GIT2: variants seen among roughly 807,000 people sequenced by gnomAD.
GIT2 encodes GIT ArfGAP 2.
Under a neutral mutation model 100.3 loss-of-function variants are expected in GIT2, and 32 were observed. The observed-to-expected ratio is 0.32, with a 90% CI of 0.24 to 0.43. The LOEUF (loss-of-function observed/expected upper bound fraction) is 0.43, where lower values mean the gene tolerates loss of function less well. Ranked by LOEUF, GIT2 falls within the 20% of genes least tolerant of loss-of-function variation. The probability of loss-of-function intolerance (pLI) is 1.00; values close to 1 mark genes in which losing one functional copy is unlikely to be tolerated. For missense variants in GIT2, 737 were observed against 975.1 expected (o/e 0.76, Z 3.25); for synonymous variants, 353 against 364.1 (o/e 0.97, Z 0.35).
intron 4 of GIT2, 53 bp from the exon 5 acceptor site, chr12:109,983,747 T>C: frequency 8.8e-7 from 1 of 1,130,404 alleles, no homozygotes; most frequent in Non-Finnish European, 1.3e-6. Context: ...TAAAGAATGA[T>C]GTCCTAGGGC....
chr12:109,966,861 T>C (rs1593061711), intron 8 of GIT2, among the ~76,000 whole-genome samples: 1 of 152,220 alleles, frequency 6.6e-6, no homozygotes, highest in East Asian at 1.9e-4. Flanking sequence ...ATTATGGCCT[T>C]CTTTTTGTTC....
In GIT2 at chr12:109,948,772, T is replaced by C; in HGVS notation, c.1393-1268A>G. ...TTAGGAGTTACTTTCAATTTTTATT[T>C]AGAAAGCACCAATCTGTGAAAAATA... On this transcript the variant is annotated intron_variant, in intron 14 of 19. Transcript: ENST00000355312. The surrounding 1 kb of genome is among the most constrained non-coding windows in gnomAD (Gnocchi z 4.3). 6.3e-7 allele frequency: 1 copy of C among 1,579,704 alleles called. No individual in the cohort carries two copies. Among genetic ancestry groups the C allele is most frequent in the Non-Finnish European group, 8.6e-7 (1 of 1,169,162 alleles).
chr12:109,996,313 G>T lies in GIT2; in HGVS notation c.-89C>A. ...GGCGCTTCCGCTCTAACGGGTCCCA[G>T]CTGCGGCGGCGCTGACGGCGGCGCC... On this transcript the variant is annotated 5_prime_UTR_variant, in exon 1 of 20. In the 5' UTR this introduces an upstream ATG that the reference lacks. Coordinates refer to ENST00000355312, the MANE Select transcript of GIT2 (RefSeq NM_057169.5). The T allele has an allele frequency of 1.1e-6, 1 of 898,174 alleles. No homozygotes were observed. Among genetic ancestry groups the T allele is most frequent in the Non-Finnish European group, 1.7e-6 (1 of 601,362 alleles). 55.6% of individuals were successfully genotyped at this position (898,174 alleles called of 1,614,324 possible).
At chr12:109,980,007 G>T (rs1311372472) in intron 7 of GIT2, among the ~76,000 whole-genome samples, 1 of 152,222 alleles carries the variant, frequency 6.6e-6, no homozygotes, top group African/African-American at 2.4e-5. Context: ...CTGTTGTTAT[G>T]TGAAAGCAGC....
At position 109,932,097 on chromosome 12, in the gene GIT2, A is replaced by G. The variant is rs1871747421; in HGVS notation, c.*881T>C. On this transcript the variant is annotated 3_prime_UTR_variant, in exon 20 of 20. Coordinates refer to ENST00000355312, the MANE Select transcript of GIT2 (RefSeq NM_057169.5). ...AGGGAGTAGGTGATTTCTTTTCCCT[A>G]TAGTTCATGGTAGTGATACCTAAAT... The G allele has an allele frequency of 6.6e-6, 1 of 152,234 alleles. No homozygotes were observed. Among genetic ancestry groups the G allele is most frequent in the African/African-American group, 2.4e-5 (1 of 41,460 alleles). 9.4% of individuals were successfully genotyped at this position (152,234 alleles called of 1,614,324 possible). A position where few individuals can be genotyped will look rare whatever the true frequency, so the allele number is the denominator to read the frequency against.
chr12:109,996,534 C>T (rs140694387), upstream of GIT2: 1,819 of 382,758 alleles, frequency 4.8e-3, 10 homozygotes, highest in Admixed American at 7.2e-3. Flanking sequence ...AGAGATTCCC[C>T]TCGTCCCAAC....
Position 109,947,684 on chromosome 12 carries a change from C to T in GIT2, c.1393-180G>A, listed in dbSNP as rs1477539101. 7 of 585,770 alleles carry T rather than the reference C, an allele frequency of 1.2e-5. No homozygotes were observed. The highest frequency in any genetic ancestry group is 1.8e-5 in the Non-Finnish European group (6 of 331,706). The allele number at this position is 585,770 out of a possible 1,614,324, so 36.3% of individuals were successfully genotyped here. A position where few individuals can be genotyped will look rare whatever the true frequency, so the allele number is the denominator to read the frequency against. On this transcript the variant is annotated intron_variant, in intron 14 of 19. Transcript: ENST00000355312. The surrounding 1 kb of genome is among the most constrained non-coding windows in gnomAD (Gnocchi z 4.3). Reference sequence around the variant, plus strand: ...TCTTCTGGATTGGGTGAAACACAATCAACTCCCTTCATCACGTAAGCAAAT... The same window carrying T: ...TCTTCTGGATTGGGTGAAACACAATTAACTCCCTTCATCACGTAAGCAAAT...
intron 12 of GIT2, among the ~76,000 whole-genome samples, chr12:109,955,609 G>A (rs1879204860): frequency 6.6e-6 from 1 of 152,182 alleles, no homozygotes; most frequent in Non-Finnish European, 1.5e-5. Context: ...TATAAATCAT[G>A]CCTGAATGAT....
chr12:109,951,494 A>T (rs1877844333), intron 13 of GIT2, among the ~76,000 whole-genome samples, 178 bp from the exon 14 acceptor site: 1 of 152,234 alleles, frequency 6.6e-6, no homozygotes, highest in South Asian at 2.1e-4. Flanking sequence ...TATACTATTT[A>T]AAAAATTTGA....
At position 109,981,471 on chromosome 12, in the gene GIT2, G is replaced by A. The variant is rs746732218; in HGVS notation, c.624-425C>T. 3 of 171,220 alleles carry A rather than the reference G, an allele frequency of 1.8e-5. No homozygotes were observed. In the South Asian group the frequency reaches 3.7e-4, roughly 21 times the overall value. The allele number at this position is 171,220 out of a possible 1,614,324, so 10.6% of individuals were successfully genotyped here. On this transcript the variant is annotated intron_variant, in intron 6 of 19. Coordinates refer to ENST00000355312, the MANE Select transcript of GIT2 (RefSeq NM_057169.5). ...TCAATGGGGACAGGATGGGGCCAGG[G>A]GCCAATATGTTGAAGAAGGTCCTTC...
intron 9 of GIT2, 35 bp downstream of exon 9, chr12:109,965,491 C>G (rs763131377): frequency 7.6e-7 from 1 of 1,320,744 alleles, no homozygotes; most frequent in Admixed American, 1.9e-5. Flanking sequence ...CACTGATTCT[C>G]ATACTAGAGA....
intron 18 of GIT2, among the ~76,000 whole-genome samples, chr12:109,936,394 G>T (rs1204475341): frequency 1.3e-5 from 2 of 151,856 alleles, no homozygotes; most frequent in Admixed American, 6.6e-5. Context: ...AAGTAGAAAT[G>T]GCCTCAGGGC....
rs148427492 is a variant in GIT2 at position 109,945,289 on chromosome 12, A to T, written c.1702T>A (p.Ser568Thr). ...SSLPSFPSTL[S>T]WSRDESARRA... ...CGGGCGCTTTCGTCCCTCGACCAGG[A>T]AAGTGTGGAGGGGAAGGAAGGCAGA... The change falls in exon 16 of 20, where the codon TCC (serine) becomes ACC (threonine). Residue 568 changes from serine (S) to threonine (T), a missense_variant. Ser to Thr is a moderately conservative substitution (Grantham distance 58, BLOSUM62 1). Transcript: ENST00000355312. The T allele has an allele frequency of 6.3e-6, 10 of 1,579,224 alleles. No individual in the cohort carries two copies. Among genetic ancestry groups the T allele is most frequent in the Non-Finnish European group, 7.0e-6 (8 of 1,148,472 alleles).
At chr12:109,996,490 C>A (rs974241428), upstream of GIT2, 4 of 441,056 alleles carry the variant, frequency 9.1e-6, no homozygotes, top group Non-Finnish European at 1.2e-5. Flanking sequence ...TCTGTCCTAC[C>A]TTTAAATATT....
intron 18 of GIT2, 99 bp downstream of exon 18, chr12:109,938,281 C>T (rs1873613421): frequency 1.2e-6 from 1 of 805,366 alleles, no homozygotes. Flanking sequence ...ACCTTGAAGT[C>T]AGCATGCTGG....
At chr12:109,954,894 CT>C (rs1273982589) in intron 12 of GIT2, among the ~76,000 whole-genome samples, 2 of 141,576 alleles carry the variant, frequency 1.4e-5, no homozygotes, top group Non-Finnish European at 3.0e-5. Context: ...GAGACTCTGT[CT>C]CAAAAAAAAA....
chr12:109,949,129 C>G (rs1276013390), intron 14 of GIT2: 2 of 409,068 alleles, frequency 4.9e-6, no homozygotes, highest in Non-Finnish European at 4.3e-6. Flanking sequence ...CTGCAATTCC[C>G]TTTCCAGGGA....
intron 6 of GIT2, 68 bp from the exon 7 acceptor site, chr12:109,981,114 G>C: frequency 9.9e-7 from 1 of 1,011,970 alleles, no homozygotes; most frequent in Non-Finnish European, 1.6e-6. Flanking sequence ...GGAGTACAAA[G>C]ACGTCTCCTG....
intron 2 of GIT2, among the ~76,000 whole-genome samples, 173 bp downstream of exon 2, chr12:109,991,454 C>T (rs545387008): frequency 6.6e-6 from 1 of 152,270 alleles, no homozygotes; most frequent in Admixed American, 6.5e-5. Flanking sequence ...AAAGTCTTTA[C>T]TGAATTCAAT....
Sources: allele counts gnomAD v4.1 joint callset (sites outside exome capture counted in the v4.1 genomes callset), GRCh38; gene constraint gnomAD v4.1.1; non-coding constraint Gnocchi (gnomAD v3.1); transcripts MANE v1.5; gene names NCBI Gene and HGNC (gene_info 2026-07-23, HGNC 2026-07-21).